The following MFN2 variants were observed in gnomAD, a reference collection of about 807,000 sequenced individuals.
The protein encoded by MFN2 is mitofusin-2.
In MFN2, 43 loss-of-function variants were observed where a neutral mutation model predicts 87.5. The observed-to-expected ratio is 0.49, with a 90% CI of 0.38 to 0.63. The LOEUF (loss-of-function observed/expected upper bound fraction) is 0.63, where lower values mean the gene tolerates loss of function less well. MFN2 is among the 30% of genes least tolerant of loss of function. The probability of loss-of-function intolerance (pLI) is 0.00; values close to 1 mark genes in which losing one functional copy is unlikely to be tolerated. For synonymous variants in MFN2, 337 were observed against 359.9 expected, an observed-to-expected ratio of 0.94 and a Z score of 0.72; for missense variants, 743 against 972.8, an observed-to-expected ratio of 0.76 and a Z score of 3.14.
At chr1:11,989,989 G>GT (rs1163195366) in intron 3 of MFN2, among the ~76,000 whole-genome samples, 1 of 152,200 alleles carries the variant, frequency 6.6e-6, no homozygotes, top group Admixed American at 6.5e-5. Context: ...TTTGGCGCCA[G>GT]GTCCTGAGAT....
chr1:11,989,144 T>C (rs1171364102), intron 2 of MFN2, 21 bp from the exon 3 acceptor site: 1 of 1,613,464 alleles, frequency 6.2e-7, no homozygotes, highest in African/African-American at 1.3e-5. Context: ...CTGGGTTCGC[T>C]CACGTTAGCT....
At position 12,003,680 on chromosome 1, in the gene MFN2, A is replaced by G. The variant is rs1413503673; in HGVS notation, c.1161-312A>G. Among the ~76,000 whole-genome samples the G allele has an allele frequency of 6.6e-6, 1 of 151,802 alleles. No individual in the cohort carries two copies. Among genetic ancestry groups the G allele is most frequent in the East Asian group, 1.9e-4 (1 of 5,186 alleles). ...ACTCCATCTCAAAAAAAAAAAAAAAATCATTTCTGTGATTACTAGTGAGGT... is the reference window on the plus strand; with the variant it reads ...ACTCCATCTCAAAAAAAAAAAAAAAGTCATTTCTGTGATTACTAGTGAGGT... On this transcript the variant is annotated intron_variant, in intron 11 of 18. Coordinates refer to ENST00000235329, the MANE Select transcript of MFN2 (RefSeq NM_014874.4). The surrounding 1 kb of genome is among the most constrained non-coding windows in gnomAD (Gnocchi z 4.1).
intron 2 of MFN2, among the ~76,000 whole-genome samples, chr1:11,985,550 T>A (rs1638365481): frequency 6.7e-6 from 1 of 149,126 alleles, no homozygotes; most frequent in African/African-American, 2.5e-5. Context: ...CACTGCAAAT[T>A]CTACCTCCCA....
chr1:12,009,782 C>T lies in MFN2; in HGVS notation c.2204+56C>T, dbSNP rs574112443. ...GGCTCCAGGGTGCAGCCCAGGCACA[C>T]TGGGGCTCAGCTGCTGGGCTTGCGT... On this transcript the variant is annotated intron_variant, in intron 18 of 18. Coordinates refer to ENST00000235329, the MANE Select transcript of MFN2 (RefSeq NM_014874.4). 238 of 1,612,574 alleles carry T rather than the reference C, an allele frequency of 1.5e-4. 4 individuals are homozygous for T. In the South Asian group the frequency reaches 2.4e-3, roughly 16 times the overall value.
In MFN2 at chr1:12,003,747, C is replaced by A. The variant is rs996085501; in HGVS notation, c.1161-245C>A. On this transcript the variant is annotated intron_variant, in intron 11 of 18. Transcript: ENST00000235329. The surrounding 1 kb of genome is among the most constrained non-coding windows in gnomAD (Gnocchi z 4.1). Reference sequence around the variant, plus strand: ...TATTAATTGGCAGAATTTGTTTAAACCCCCTTAAAGCGCCCTCCCTGTTTT... The same window carrying A: ...TATTAATTGGCAGAATTTGTTTAAAACCCCTTAAAGCGCCCTCCCTGTTTT... 6.6e-6 allele frequency among the ~76,000 whole-genome samples: 1 copy of A among 152,120 alleles called. No homozygotes were observed. Among genetic ancestry groups the A allele is most frequent in the Non-Finnish European group, 1.5e-5 (1 of 68,022 alleles).
chr1:12,002,916 G>T lies in MFN2; in HGVS notation c.1160+813G>T, dbSNP rs184611752. On this transcript the variant is annotated intron_variant, in intron 11 of 18. Coordinates refer to ENST00000235329, the MANE Select transcript of MFN2 (RefSeq NM_014874.4). ...ATATGTCAGGTTTTTACATGCTTCA[G>T]ATGTACAGATGTGGCATCACACTGT... is the stretch of plus-strand genomic sequence containing the variant. Among the ~76,000 whole-genome samples the T allele has an allele frequency of 7.2e-5, 11 of 152,292 alleles. No individual in the cohort carries two copies. In the East Asian group the frequency reaches 2.1e-3, roughly 29 times the overall value.
chr1:12,002,212 G>T (rs1468939770), intron 11 of MFN2, 109 bp downstream of exon 11: 1 of 1,564,926 alleles, frequency 6.4e-7, no homozygotes, highest in East Asian at 2.3e-5. Context: ...GAGTCTCTGG[G>T]CTCCCATCCA....
chr1:12,008,461 G>A (rs1639530459), intron 17 of MFN2, among the ~76,000 whole-genome samples: 1 of 146,166 alleles, frequency 6.8e-6, no homozygotes, highest in Admixed American at 6.7e-5. Flanking sequence ...CGGCTGGCCG[G>A]GCGGGGACTG....
chr1:11,983,360 C>T (rs1442307024), intron 2 of MFN2, among the ~76,000 whole-genome samples: 1 of 152,172 alleles, frequency 6.6e-6, no homozygotes, highest in Admixed American at 6.5e-5. Context: ...CGTGAGCCAC[C>T]GCGCCTGGCC....
chr1:12,010,299 A>AT (rs1639636467), intron 18 of MFN2, among the ~76,000 whole-genome samples: 2 of 152,260 alleles, frequency 1.3e-5, no homozygotes, highest in Non-Finnish European at 2.9e-5. Flanking sequence ...ACTGCAGTTC[A>AT]CAGCGCCCTG....
At position 11,997,312 on chromosome 1, in the gene MFN2, G is replaced by A; in HGVS notation, c.490G>A (p.Ala164Thr). ...KRSAKTVNQL[A>T]HALHQDKQLH... is the part of the protein sequence containing the mutation. ...CTGCCATCAGACTGTGAACCAGCTG[G>A]CCCATGCCCTCCACCAGGACAAGCA... Residue 164 changes from alanine (A) to threonine (T), a missense_variant, in exon 6 of 19, where the codon GCC (alanine) becomes ACC (threonine). By Grantham distance (58) the Ala-to-Thr change is moderately conservative (BLOSUM62 0). Around this residue, in one of 3 missense-constraint regions of MFN2, gnomAD observed 141 missense variants for 278.9 expected, o/e 0.51. Transcript: ENST00000235329. The A allele has an allele frequency of 6.2e-7, 1 of 1,614,152 alleles. No homozygotes were observed. Among genetic ancestry groups the A allele is most frequent in the Non-Finnish European group, 8.5e-7 (1 of 1,180,032 alleles).
At chr1:11,996,957 GA>G (rs1557522515) in intron 5 of MFN2, among the ~76,000 whole-genome samples, 1 of 150,358 alleles carries the variant, frequency 6.7e-6, no homozygotes, top group African/African-American at 2.5e-5. Context: ...AGGACTGCTT[GA>G]ACCCAGGAGG....
At chr1:11,984,464 C>T (rs1046864114) in intron 2 of MFN2, among the ~76,000 whole-genome samples, 22 of 152,154 alleles carry the variant, frequency 1.4e-4, no homozygotes, top group Admixed American at 1.0e-3. Context: ...ATGTTGCTTG[C>T]GTCATCAACT....
rs2100840933 is a variant in MFN2, at chr1:12,001,990, C to T, written c.1047C>T (p.Ile349=). The part of the protein sequence containing the change: ...QNFERRFEEC[I]SQSAVKTKFE... ...GCCTCTGTGTGTTCCAGGAGTGCAT[C>T]TCCCAGTCTGCAGTGAAGACCAAGT... Residue 349 remains isoleucine, a synonymous_variant, in exon 11 of 19, where the codon ATC becomes ATT. Coordinates refer to ENST00000235329, the MANE Select transcript of MFN2 (RefSeq NM_014874.4). The T allele has an allele frequency of 6.2e-7, 1 of 1,614,214 alleles. No individual in the cohort carries two copies. Among genetic ancestry groups the T allele is most frequent in the Non-Finnish European group, 8.5e-7 (1 of 1,180,042 alleles).
chr1:11,995,277 A>AAAC lies in MFN2; in HGVS notation c.312-861_312-859dup, dbSNP rs200208569. Among the ~76,000 whole-genome samples, 280 of 151,834 alleles carry AAAC rather than the reference A, an allele frequency of 1.8e-3. 1 individual carries two copies. The highest frequency in any genetic ancestry group is 6.0e-3 in the African/African-American group (250 of 41,398). Reference sequence around the variant, plus strand: ...AGCAAAATCCCATATCAAAAAAAACAAACAACAACAACAACAACAAAAAAC... The same window carrying AAAC: ...AGCAAAATCCCATATCAAAAAAAACAAACAACAACAACAACAACAACAAAAAAC... On this transcript the variant is annotated intron_variant, in intron 4 of 18. Transcript: ENST00000235329.
intron 8 of MFN2, among the ~76,000 whole-genome samples, chr1:11,999,681 A>G (rs1477965295): frequency 6.6e-6 from 1 of 152,056 alleles, no homozygotes; most frequent in Non-Finnish European, 1.5e-5. Context: ...AATATGTGAA[A>G]TGAAAGACAA....
chr1:11,982,720 G>A (rs1320286902), intron 2 of MFN2: 1 of 152,180 alleles, frequency 6.6e-6, no homozygotes, highest in Non-Finnish European at 1.5e-5. Flanking sequence ...TTGAGGCAAA[G>A]CTGTTGACCA....
chr1:12,008,692 C>T (rs1378503694), intron 17 of MFN2, among the ~76,000 whole-genome samples: 9 of 151,414 alleles, frequency 5.9e-5, no homozygotes, highest in African/African-American at 9.7e-5. Flanking sequence ...GATGGGATGG[C>T]GGCCGGGAAG....
Position 11,992,618 on chromosome 1 carries a change from G to A in MFN2, c.239G>A (p.Gly80Asp). ...GAAGAACAGGTTCTGGACGTCAAAG[G>A]TTACCTATCCAAAGTGAGAGGCATC... ...TTEEQVLDVKGYLSKVRGISE... is the reference protein window; with the variant it reads ...TTEEQVLDVKDYLSKVRGISE... Residue 80 changes from glycine to aspartate, a missense_variant, in exon 4 of 19, where the codon GGT (glycine) becomes GAT (aspartate). Gly to Asp is a moderately conservative substitution (Grantham distance 94). This residue lies in a region of MFN2 where 141 missense variants were observed against 278.9 expected (regional missense o/e 0.51). Coordinates refer to ENST00000235329, the MANE Select transcript of MFN2 (RefSeq NM_014874.4). 1 of 1,614,168 alleles carries A rather than the reference G, an allele frequency of 6.2e-7. No homozygotes were observed. Among genetic ancestry groups the A allele is most frequent in the Non-Finnish European group, 8.5e-7 (1 of 1,180,028 alleles).
Sources: gnomAD v4.1 joint callset for allele counts (sites outside exome capture counted in the v4.1 genomes callset) on GRCh38, gnomAD v4.1.1 for gene constraint, gnomAD v4.1.1 regional missense constraint, Gnocchi (gnomAD v3.1) non-coding constraint, MANE v1.5 for transcripts, NCBI Gene and HGNC (gene_info 2026-07-23, HGNC 2026-07-21) for gene names.